Variants in SLC38A3 observed in about 807,000 individuals in gnomAD.
The protein encoded by SLC38A3 is sodium-coupled neutral amino acid transporter 3.
SLC38A3 carries 17 observed loss-of-function variants against 59.5 expected under a neutral mutation model. That is an observed-to-expected ratio of 0.29 (90% CI 0.20 to 0.43). The LOEUF is 0.43. SLC38A3 is among the 20% of genes least tolerant of loss of function. The probability of loss-of-function intolerance (pLI) is 1.00; values close to 1 mark genes in which losing one functional copy is unlikely to be tolerated. For missense variants in SLC38A3, 454 were observed against 653.9 expected (o/e 0.69, Z 3.33); for synonymous variants, 238 against 260.3 (o/e 0.91, Z 0.82).
chr3:50,211,489 T>G (rs527646203), intron 1 of SLC38A3, among the ~76,000 whole-genome samples: 1 of 152,126 alleles, frequency 6.6e-6, no homozygotes, highest in South Asian at 2.1e-4. Context: ...TCTTTCCTGT[T>G]TGACACCCCA....
At chr3:50,208,871 C>G (rs145880490) in intron 1 of SLC38A3, among the ~76,000 whole-genome samples, 34 of 152,300 alleles carry the variant, frequency 2.2e-4, no homozygotes, top group African/African-American at 6.7e-4. Context: ...CTGTCCCTGT[C>G]TATCTCTCTT....
chr3:50,209,279 G>A (rs1345471240), intron 1 of SLC38A3, among the ~76,000 whole-genome samples: 6 of 152,142 alleles, frequency 3.9e-5, no homozygotes, highest in Admixed American at 2.0e-4. Flanking sequence ...CCTGAGCAAG[G>A]AGGGTCCAGG....
chr3:50,211,155 C>G (rs944041460), intron 1 of SLC38A3, among the ~76,000 whole-genome samples: 2 of 152,216 alleles, frequency 1.3e-5, no homozygotes, highest in Non-Finnish European at 2.9e-5. Context: ...TGCAGGAGCC[C>G]TTCCCTGAGT....
Position 50,219,930 on chromosome 3 carries a change from C to T in SLC38A3, c.1356C>T (p.Tyr452=). Residue 452 remains tyrosine, a synonymous_variant, in exon 15 of 16, where the codon TAC becomes TAT. Coordinates refer to ENST00000614032, the MANE Select transcript of SLC38A3 (RefSeq NM_006841.6). ...TCTTCATCTTCCCTGCCATCTTCTACTTCCGAATCATGCCCACGGAGAAGG... is the reference window on the plus strand; with the variant it reads ...TCTTCATCTTCCCTGCCATCTTCTATTTCCGAATCATGCCCACGGAGAAGG... ...FLIFIFPAIF[Y]FRIMPTEKEP... 1 of 1,613,592 alleles carries T rather than the reference C, an allele frequency of 6.2e-7. No individual in the cohort carries two copies. The highest frequency in any genetic ancestry group is 1.3e-5 in the African/African-American group (1 of 75,048).
Position 50,218,310 on chromosome 3 carries a change from A to G in SLC38A3, c.976A>G (p.Ile326Val). Residue 326 changes from isoleucine (I) to valine (V), a missense_variant, in exon 12 of 16, where the codon ATC becomes GTC. By Grantham distance (29) the Ile-to-Val change is conservative. Coordinates refer to ENST00000614032, the MANE Select transcript of SLC38A3 (RefSeq NM_006841.6). This position sits in a 1 kb window ranked among gnomAD's most constrained non-coding sequence, Gnocchi z 5.8. Reference protein sequence around the residue: ...KKMQHISNLSIAVMYIMYFLA... With the variant: ...KKMQHISNLSVAVMYIMYFLA... ...GATGCAGCACATCTCCAACCTGTCC[A>G]TCGCTGTCATGTACATCATGTACTT... 2 of 1,613,376 alleles carry G rather than the reference A, an allele frequency of 1.2e-6. No individual in the cohort carries two copies. The highest frequency in any genetic ancestry group is 8.5e-7 in the Non-Finnish European group (1 of 1,179,422).
chr3:50,218,162 C>A lies in SLC38A3; in HGVS notation c.936-108C>A. On this transcript the variant is annotated intron_variant, in intron 11 of 15. Transcript: ENST00000614032. This position sits in a 1 kb window ranked among gnomAD's most constrained non-coding sequence, Gnocchi z 5.8. ...ATTATGAGCAAGAAGGAGACTCCCT[C>A]AGATGCTGAATGGTGAAAGTATGGT... 1 of 1,055,410 alleles carries A rather than the reference C, an allele frequency of 9.5e-7. No individual in the cohort carries two copies. The highest frequency in any genetic ancestry group is 1.5e-6 in the Non-Finnish European group (1 of 685,832). 65.4% of individuals were successfully genotyped at this position (1,055,410 alleles called of 1,614,324 possible). A position where few individuals can be genotyped will look rare whatever the true frequency, so the allele number is the denominator to read the frequency against.
At chr3:50,210,015 A>C (rs1001530690) in intron 1 of SLC38A3, among the ~76,000 whole-genome samples, 1 of 152,102 alleles carries the variant, frequency 6.6e-6, no homozygotes, top group African/African-American at 2.4e-5. Context: ...CCCTCCTCCC[A>C]CCTGCTTTGT....
At position 50,214,394 on chromosome 3, in the gene SLC38A3, GC is replaced by G. The variant is rs1483353005; in HGVS notation, c.102-6del. 12 of 1,595,640 alleles carry G rather than the reference GC, an allele frequency of 7.5e-6. No homozygotes were observed. Among genetic ancestry groups the G allele is most frequent in the Non-Finnish European group, 9.4e-6 (11 of 1,171,056 alleles). On this transcript the variant is annotated splice_region_variant and splice_polypyrimidine_tract_variant and intron_variant, in intron 2 of 15. Coordinates refer to ENST00000614032, the MANE Select transcript of SLC38A3 (RefSeq NM_006841.6). This position sits in a 1 kb window ranked among gnomAD's most constrained non-coding sequence, Gnocchi z 6.0. ...AGCTGAGCCACCCACCCTGACCTGT[GC>G]CTACAGGGTCGAGGACCCTGCACGG...
rs983371750 is a variant in SLC38A3, at chr3:50,215,397, C to T, written c.311C>T (p.Thr104Ile). ...TGIILFLFLL[T>I]AVALLSSYSI... is the part of the protein sequence containing the mutation. Reference sequence around the variant, plus strand: ...CCATGTGTCCCCAGGTTCCTGTTGACAGCTGTCGCCTTGCTCTCCAGCTAC... The same window carrying T: ...CCATGTGTCCCCAGGTTCCTGTTGATAGCTGTCGCCTTGCTCTCCAGCTAC... Residue 104 changes from threonine to isoleucine, a missense_variant, in exon 5 of 16, where the codon ACA becomes ATA. Around this residue, in one of 3 missense-constraint regions of SLC38A3, gnomAD observed 390 missense variants for 557.9 expected, o/e 0.70. Transcript: ENST00000614032. This position sits in a 1 kb window ranked among gnomAD's most constrained non-coding sequence, Gnocchi z 7.1. 3 of 1,613,874 alleles carry T rather than the reference C, an allele frequency of 1.9e-6. No homozygotes were observed. The highest frequency in any genetic ancestry group is 8.5e-7 in the Non-Finnish European group (1 of 1,179,874).
intron 1 of SLC38A3, among the ~76,000 whole-genome samples, chr3:50,206,534 C>T (rs1699650355): frequency 6.6e-6 from 1 of 152,216 alleles, no homozygotes; most frequent in South Asian, 2.1e-4. Flanking sequence ...GCTAAAGAGA[C>T]CCAAAGATGG....
chr3:50,211,003 A>G (rs556012976), intron 1 of SLC38A3, among the ~76,000 whole-genome samples: 3 of 152,134 alleles, frequency 2.0e-5, no homozygotes, highest in African/African-American at 7.2e-5. Context: ...CGGGACCCCT[A>G]GAGGACAGGG....
rs1184660078 is a variant in SLC38A3, at chr3:50,217,413, A to T, written c.632-2A>T. ...TCTCAGAGTGCTCCCTCCACTTTGC[A>T]GGCTACCTGGGCTACTCCAGCGGCT... On this transcript the variant is annotated splice_acceptor_variant, in intron 8 of 15. Transcript: ENST00000614032. LOFTEE classifies it high-confidence loss of function. The surrounding 1 kb of genome is among the most constrained non-coding windows in gnomAD (Gnocchi z 4.9). The T allele has an allele frequency of 2.5e-6, 4 of 1,612,948 alleles. No homozygotes were observed. Among genetic ancestry groups the T allele is most frequent in the Non-Finnish European group, 2.5e-6 (3 of 1,179,498 alleles).
At chr3:50,211,980 G>T (rs1374205535) in intron 1 of SLC38A3, among the ~76,000 whole-genome samples, 1 of 152,188 alleles carries the variant, frequency 6.6e-6, no homozygotes, top group Non-Finnish European at 1.5e-5. Flanking sequence ...TATCTGGGGG[G>T]ATTTGTCTCT....
At position 50,215,666 on chromosome 3, in the gene SLC38A3, G is replaced by C; in HGVS notation, c.466+30G>C. The C allele has an allele frequency of 6.2e-7, 1 of 1,612,420 alleles. No individual in the cohort carries two copies. Among genetic ancestry groups the C allele is most frequent in the Non-Finnish European group, 8.5e-7 (1 of 1,178,912 alleles). ...GAGCAGTGGGCAGGGGCAGGCAGTA[G>C]GGAGGTGGACAGCCCTGAAAGCTGG... On this transcript the variant is annotated intron_variant, in intron 6 of 15. Coordinates refer to ENST00000614032, the MANE Select transcript of SLC38A3 (RefSeq NM_006841.6). The surrounding 1 kb of genome is among the most constrained non-coding windows in gnomAD (Gnocchi z 7.1).
chr3:50,212,896 C>T (rs895163726), intron 1 of SLC38A3, among the ~76,000 whole-genome samples: 13 of 152,200 alleles, frequency 8.5e-5, no homozygotes, highest in African/African-American at 2.4e-4. Context: ...GAGGGCACCA[C>T]GGATTCAGGA....
At chr3:50,213,025 A>G (rs953716934) in intron 1 of SLC38A3, among the ~76,000 whole-genome samples, 1 of 152,146 alleles carries the variant, frequency 6.6e-6, no homozygotes, top group Non-Finnish European at 1.5e-5. Flanking sequence ...TGGGGGCACT[A>G]TGCCCAGCCA....
Position 50,218,977 on chromosome 3 carries a change from G to A in SLC38A3, c.1306+29G>A, listed in dbSNP as rs777074843. ...AGGGTCTGGCCCTGCTGTGGAAGCA[G>A]GGTATTGCCCCAGAGGATTTCAACT... is the stretch of plus-strand genomic sequence containing the variant. On this transcript the variant is annotated intron_variant, in intron 14 of 15. Coordinates refer to ENST00000614032, the MANE Select transcript of SLC38A3 (RefSeq NM_006841.6). The surrounding 1 kb of genome is among the most constrained non-coding windows in gnomAD (Gnocchi z 5.8). 1.9e-6 allele frequency: 3 copies of A among 1,595,076 alleles called. No homozygotes were observed. The highest frequency in any genetic ancestry group is 2.6e-6 in the Non-Finnish European group (3 of 1,165,522).
At position 50,217,609 on chromosome 3, in the gene SLC38A3, C is replaced by T. The variant is rs2109157451; in HGVS notation, c.691-67C>T. On this transcript the variant is annotated intron_variant, in intron 9 of 15. Transcript: ENST00000614032. This position sits in a 1 kb window ranked among gnomAD's most constrained non-coding sequence, Gnocchi z 4.9. ...TCCACCAGTCCTGATCTAGATGTGGCTTCATGGTGACTTCCCAGGCAGTCC... is the reference window on the plus strand; with the variant it reads ...TCCACCAGTCCTGATCTAGATGTGGTTTCATGGTGACTTCCCAGGCAGTCC... 1 of 1,595,632 alleles carries T rather than the reference C, an allele frequency of 6.3e-7. No individual in the cohort carries two copies.
intron 14 of SLC38A3, 33 bp from the exon 15 acceptor site, chr3:50,219,848 G>A (rs1367053023): frequency 4.5e-6 from 7 of 1,560,682 alleles, no homozygotes; most frequent in Admixed American, 3.6e-5. Context: ...AGGAGGATAT[G>A]AGCCAGCAGT....
Sources: gnomAD v4.1 joint callset for allele counts (sites outside exome capture counted in the v4.1 genomes callset) on GRCh38, gnomAD v4.1.1 for gene constraint, gnomAD v4.1.1 regional missense constraint, Gnocchi (gnomAD v3.1) non-coding constraint, MANE v1.5 for transcripts, NCBI Gene and HGNC (gene_info 2026-07-23, HGNC 2026-07-21) for gene names.